BABAM2: variants seen among roughly 807,000 people sequenced by gnomAD.
BABAM2 encodes the protein BRISC and BRCA1-A complex member 2.
In BABAM2, 31 loss-of-function variants were observed where a neutral mutation model predicts 54.7. That is an observed-to-expected ratio of 0.57 (90% CI 0.43 to 0.77). The LOEUF is 0.77. Ranked by LOEUF, BABAM2 falls within the 30% of genes least tolerant of loss-of-function variation. The probability of loss-of-function intolerance (pLI) is 0.00; values close to 1 mark genes in which losing one functional copy is unlikely to be tolerated. For synonymous variants in BABAM2, 167 were observed against 162.9 expected (o/e 1.03, Z -0.19); for missense variants, 364 against 455.8 (o/e 0.80, Z 1.83).
At chr2:28,130,516 G>A (rs937995020) in intron 7 of BABAM2, among the ~76,000 whole-genome samples, 3 of 151,416 alleles carry the variant, frequency 2.0e-5, no homozygotes, top group Non-Finnish European at 2.9e-5. Flanking sequence ...GTAGTGGCAT[G>A]CTTATGGCTC....
chr2:28,281,460 C>T lies in BABAM2; in HGVS notation c.935-16878C>T, dbSNP rs577586784. 5.9e-5 allele frequency among the ~76,000 whole-genome samples: 9 copies of T among 152,282 alleles called. No homozygotes were observed. In the South Asian group the frequency reaches 1.0e-3, roughly 18 times the overall value. Reference sequence around the variant, plus strand: ...ATGGCGGAAGTAAATGTGACCCCCCCGAGCCCCACCAGTCTCCTCCCAGCA... The same window carrying T: ...ATGGCGGAAGTAAATGTGACCCCCCTGAGCCCCACCAGTCTCCTCCCAGCA... On this transcript the variant is annotated intron_variant, in intron 10 of 11. Transcript: ENST00000379624.
chr2:28,214,791 TTA>T (rs1179114900), intron 7 of BABAM2, among the ~76,000 whole-genome samples: 1 of 152,142 alleles, frequency 6.6e-6, no homozygotes, highest in East Asian at 1.9e-4. Context: ...TTTTTTTTTT[TTA>T]ATCACAAATT....
At chr2:28,217,006 CTCAGTTTAAATTTA>C (rs1170159321) in intron 7 of BABAM2, among the ~76,000 whole-genome samples, 7 of 152,206 alleles carry the variant, frequency 4.6e-5, no homozygotes, top group Non-Finnish European at 1.0e-4. Flanking sequence ...TCATTTGAGT[CTCAGTTTAAATTTA>C]TTTCCACAGA....
At chr2:28,134,865 T>C (rs754901445) in intron 7 of BABAM2, among the ~76,000 whole-genome samples, 5 of 152,182 alleles carry the variant, frequency 3.3e-5, no homozygotes, top group African/African-American at 4.8e-5. Context: ...AGAACAAATA[T>C]GGCAAGTTGT....
intron 5 of BABAM2, 184 bp downstream of exon 5, chr2:28,025,604 G>A (rs536552056): frequency 2.2e-5 from 12 of 546,882 alleles, no homozygotes; most frequent in Non-Finnish European, 3.5e-5. Context: ...GTTTCTCAAA[G>A]ATATTACCTG....
At chr2:28,229,916 G>T (rs1245163768) in intron 7 of BABAM2, among the ~76,000 whole-genome samples, 1 of 152,118 alleles carries the variant, frequency 6.6e-6, no homozygotes, top group African/African-American at 2.4e-5. Context: ...TTTAATAATG[G>T]TGTATTTTTA....
chr2:28,280,883 G>C (rs577558202), intron 10 of BABAM2, among the ~76,000 whole-genome samples: 1 of 152,078 alleles, frequency 6.6e-6, no homozygotes. Flanking sequence ...AAGGCGGGGG[G>C]GCAGTGAGAG....
At chr2:28,276,794 T>C (rs1018445795) in intron 10 of BABAM2, among the ~76,000 whole-genome samples, 1 of 152,266 alleles carries the variant, frequency 6.6e-6, no homozygotes, top group Non-Finnish European at 1.5e-5. Context: ...TTGCAAAGGC[T>C]TCATCTCCTT....
chr2:28,222,832 A>G (rs1680541080), intron 7 of BABAM2, among the ~76,000 whole-genome samples: 1 of 152,150 alleles, frequency 6.6e-6, no homozygotes, highest in Non-Finnish European at 1.5e-5. Flanking sequence ...AAACACATCC[A>G]TCTTCTGGAG....
At chr2:28,181,385 T>C (rs1297724176) in intron 7 of BABAM2, among the ~76,000 whole-genome samples, 1 of 152,170 alleles carries the variant, frequency 6.6e-6, no homozygotes, top group Non-Finnish European at 1.5e-5. Flanking sequence ...AAGACAAATA[T>C]CACGTGTTCT....
intron 7 of BABAM2, among the ~76,000 whole-genome samples, chr2:28,168,988 T>G (rs547291482): frequency 2.6e-5 from 4 of 152,318 alleles, no homozygotes; most frequent in African/African-American, 9.6e-5. Context: ...GATCAGCTTC[T>G]CAGCAAGCTG....
At chr2:28,110,517 G>T (rs183025280) in intron 6 of BABAM2, among the ~76,000 whole-genome samples, 2,001 of 152,038 alleles carry the variant, frequency 0.013, 27 homozygotes, top group South Asian at 0.049. Flanking sequence ...CCAGCTACTC[G>T]AGAGGCTGAG....
chr2:27,970,472 A>G (rs1366128223), intron 3 of BABAM2, among the ~76,000 whole-genome samples: 1 of 152,236 alleles, frequency 6.6e-6, no homozygotes, highest in Non-Finnish European at 1.5e-5. Flanking sequence ...GTATGCTGAT[A>G]TAGATATATA....
intron 6 of BABAM2, among the ~76,000 whole-genome samples, chr2:28,109,147 A>G (rs1042891038): frequency 4.1e-5 from 6 of 146,014 alleles, no homozygotes; most frequent in African/African-American, 1.5e-4. Flanking sequence ...CACAGGGACC[A>G]TTTGGTTTCC....
chr2:27,955,033 T>A (rs1669989884), intron 3 of BABAM2, among the ~76,000 whole-genome samples: 1 of 152,140 alleles, frequency 6.6e-6, no homozygotes, highest in Admixed American at 6.6e-5. Context: ...GGCAGTATTA[T>A]TAAATAGTAA....
intron 3 of BABAM2, among the ~76,000 whole-genome samples, chr2:27,977,718 G>C (rs186900410): frequency 2.2e-4 from 34 of 152,214 alleles, no homozygotes; most frequent in African/African-American, 7.9e-4. Context: ...GAGAGCTATA[G>C]ACAAACTGGT....
At chr2:28,216,373 A>G (rs1158710951) in intron 7 of BABAM2, among the ~76,000 whole-genome samples, 2 of 152,192 alleles carry the variant, frequency 1.3e-5, no homozygotes, top group Non-Finnish European at 2.9e-5. Context: ...TTTGTTGGTA[A>G]ATTGGGTACT....
intron 6 of BABAM2, among the ~76,000 whole-genome samples, chr2:28,114,349 A>G (rs1314922801): frequency 6.6e-6 from 1 of 152,194 alleles, no homozygotes; most frequent in Non-Finnish European, 1.5e-5. Context: ...TGCTTTCTTT[A>G]TCTCTTTTCT....
At chr2:28,207,856 G>A (rs565375703) in intron 7 of BABAM2, among the ~76,000 whole-genome samples, 10 of 151,942 alleles carry the variant, frequency 6.6e-5, no homozygotes, top group African/African-American at 2.4e-4. Flanking sequence ...TTAATTACTG[G>A]TGTGCTTCTC....
Sources: gnomAD v4.1 joint callset for allele counts (sites outside exome capture counted in the v4.1 genomes callset) on GRCh38, gnomAD v4.1.1 for gene constraint, MANE v1.5 for transcripts, NCBI Gene and HGNC (gene_info 2026-07-23, HGNC 2026-07-21) for gene names.